The following KAT2B variants were observed in gnomAD, a reference collection of about 807,000 sequenced individuals.
The protein encoded by KAT2B is lysine acetyltransferase 2B.
KAT2B carries 36 observed loss-of-function variants against 105.9 expected under a neutral mutation model. The ratio of observed to expected loss-of-function variants is 0.34; its 90% CI spans 0.26 to 0.45. The LOEUF (loss-of-function observed/expected upper bound fraction) is 0.45, where lower values mean the gene tolerates loss of function less well. Among genes scored for constraint, KAT2B ranks in the 20% least tolerant of loss-of-function variants. The probability of loss-of-function intolerance (pLI) is 1.00; values close to 1 mark genes in which losing one functional copy is unlikely to be tolerated. For missense variants in KAT2B, 820 were observed against 1,021.6 expected (o/e 0.80, Z 2.69); for synonymous variants, 397 against 377.9 (o/e 1.05, Z -0.59).
intron 2 of KAT2B, among the ~76,000 whole-genome samples, chr3:20,092,107 A>T (rs11128936): frequency 0.069 from 10,469 of 152,190 alleles, 379 homozygotes; most frequent in Non-Finnish European, 0.076. Context: ...AGTATAGTTC[A>T]AGCCCAGTGC....
At chr3:20,088,203 G>A (rs1168514308) in intron 2 of KAT2B, among the ~76,000 whole-genome samples, 2 of 152,324 alleles carry the variant, frequency 1.3e-5, no homozygotes, top group East Asian at 3.9e-4. Context: ...GAATAATGCT[G>A]CAGTGAATAT....
intron 1 of KAT2B, among the ~76,000 whole-genome samples, chr3:20,059,116 T>C (rs931004505): frequency 6.6e-6 from 1 of 152,114 alleles, no homozygotes; most frequent in Non-Finnish European, 1.5e-5. Context: ...TTTTTAAAAA[T>C]ATTATTAAAA....
At chr3:20,073,674 A>C (rs1698366350) in intron 2 of KAT2B, among the ~76,000 whole-genome samples, 1 of 152,230 alleles carries the variant, frequency 6.6e-6, no homozygotes, top group African/African-American at 2.4e-5. Context: ...CAAAAATTTC[A>C]AAAGTTAGAG....
intron 11 of KAT2B, among the ~76,000 whole-genome samples, chr3:20,130,121 G>C (rs999961617): frequency 1.3e-5 from 2 of 152,178 alleles, no homozygotes; most frequent in Non-Finnish European, 2.9e-5. Context: ...GGGATTACAG[G>C]CGTGAGCCAC....
intron 1 of KAT2B, among the ~76,000 whole-genome samples, chr3:20,051,831 T>C (rs77110115): frequency 0.016 from 2,449 of 152,372 alleles, 57 homozygotes; most frequent in African/African-American, 0.055. Flanking sequence ...TTTTCCGTAA[T>C]TGGTATATTT....
intron 1 of KAT2B, among the ~76,000 whole-genome samples, chr3:20,066,394 A>G (rs918693413): frequency 5.9e-5 from 9 of 152,112 alleles, no homozygotes; most frequent in Non-Finnish European, 7.4e-5. Flanking sequence ...CCAGGGGAAC[A>G]TGAACTTTAT....
At chr3:20,101,211 C>T (rs1482348449) in intron 4 of KAT2B, 76 bp from the exon 5 acceptor site, 2 of 1,188,526 alleles carry the variant, frequency 1.7e-6, no homozygotes, top group Non-Finnish European at 2.4e-6. Flanking sequence ...AACCACCAAT[C>T]ATGCTGGCTG....
At chr3:20,135,397 G>A (rs947571716) in intron 11 of KAT2B, among the ~76,000 whole-genome samples, 3 of 152,134 alleles carry the variant, frequency 2.0e-5, no homozygotes, top group Non-Finnish European at 4.4e-5. Context: ...GCTCACGCCT[G>A]TAATCCCAGC....
chr3:20,091,669 G>A (rs577849134), intron 2 of KAT2B, among the ~76,000 whole-genome samples: 2 of 152,024 alleles, frequency 1.3e-5, no homozygotes, highest in Non-Finnish European at 1.5e-5. Flanking sequence ...GCTGCATTTT[G>A]TAAGTTTTGG....
chr3:20,099,219 G>A (rs1157708887), intron 3 of KAT2B, among the ~76,000 whole-genome samples: 2 of 152,180 alleles, frequency 1.3e-5, no homozygotes, highest in Non-Finnish European at 2.9e-5. Flanking sequence ...TGAGATGCCA[G>A]AACAGTTGGC....
intron 2 of KAT2B, among the ~76,000 whole-genome samples, chr3:20,073,699 A>C (rs1246165138): frequency 6.7e-6 from 1 of 149,860 alleles, no homozygotes; most frequent in African/African-American, 2.5e-5. Flanking sequence ...GTCCTTGATT[A>C]TAATTTACCT....
chr3:20,106,470 G>GTC (rs548275925), intron 5 of KAT2B, among the ~76,000 whole-genome samples: 1 of 147,332 alleles, frequency 6.8e-6, no homozygotes. Flanking sequence ...CACACATTCT[G>GTC]TCTCTCTCAC....
intron 2 of KAT2B, among the ~76,000 whole-genome samples, chr3:20,084,406 C>A (rs1698577622): frequency 6.6e-6 from 1 of 152,160 alleles, no homozygotes; most frequent in South Asian, 2.1e-4. Context: ...GAGCTATCCT[C>A]TTCTGCTATG....
intron 7 of KAT2B, among the ~76,000 whole-genome samples, chr3:20,116,724 A>C (rs931848964): frequency 2.6e-5 from 4 of 152,146 alleles, no homozygotes; most frequent in African/African-American, 9.7e-5. Flanking sequence ...TTAAGTGCTC[A>C]GCTAAGATGC....
At chr3:20,148,102 C>T (rs1699809109) in intron 15 of KAT2B, 103 bp downstream of exon 15, 2 of 1,365,024 alleles carry the variant, frequency 1.5e-6, no homozygotes, top group East Asian at 2.4e-5. Context: ...ACTAACACAA[C>T]AGTTGGTGGG....
chr3:20,127,233 T>C (rs1206294286), intron 10 of KAT2B, among the ~76,000 whole-genome samples, 190 bp from the exon 11 acceptor site: 2 of 152,138 alleles, frequency 1.3e-5, no homozygotes, highest in Non-Finnish European at 2.9e-5. Flanking sequence ...GATGACATCT[T>C]GTGCAGGCGA....
chr3:20,150,219 G>A (rs1699849281), intron 17 of KAT2B, among the ~76,000 whole-genome samples: 1 of 152,124 alleles, frequency 6.6e-6, no homozygotes, highest in African/African-American at 2.4e-5. Context: ...CTTCAGTAGG[G>A]CAGTATTTTT....
At chr3:20,045,512 G>C (rs1003531767) in intron 1 of KAT2B, among the ~76,000 whole-genome samples, 5 of 151,928 alleles carry the variant, frequency 3.3e-5, no homozygotes, top group African/African-American at 1.2e-4. Context: ...CACCATGCCT[G>C]CTTGGGATTG....
At chr3:20,101,169 G>A (rs770052552) in intron 4 of KAT2B, 118 bp from the exon 5 acceptor site, 68 of 759,224 alleles carry the variant, frequency 9.0e-5, no homozygotes, top group South Asian at 2.8e-4. Flanking sequence ...AGAGATTTTT[G>A]TGAATAGAGA....
Sources: allele counts gnomAD v4.1 joint callset (sites outside exome capture counted in the v4.1 genomes callset), GRCh38; gene constraint gnomAD v4.1.1; transcripts MANE v1.5; gene names NCBI Gene and HGNC (gene_info 2026-07-23, HGNC 2026-07-21).